ADCY8: variants seen among roughly 807,000 people sequenced by gnomAD.
ADCY8 encodes the protein adenylate cyclase type 8.
In ADCY8, 51 loss-of-function variants were observed where a neutral mutation model predicts 119.7. The observed-to-expected ratio is 0.43, with a 90% CI of 0.34 to 0.54. The LOEUF is 0.54. Ranked by LOEUF, ADCY8 falls within the 20% of genes least tolerant of loss-of-function variation. The pLI is 0.03. For synonymous variants in ADCY8, 665 were observed against 651.0 expected (o/e 1.02, Z -0.33); for missense variants, 1,383 against 1,598.8 (o/e 0.87, Z 2.30).
rs1554624274 is a variant in ADCY8 at position 131,003,206 on chromosome 8, TCACA to T, written c.961-12668_961-12665del. On this transcript the variant is annotated intron_variant, in intron 1 of 17. Coordinates refer to ENST00000286355, the MANE Select transcript of ADCY8 (RefSeq NM_001115.3). ...CCTGGGCAACAAGAGTGAAACACCA[TCACA>T]CACACACACACACACACACACACAC... is the stretch of plus-strand genomic sequence containing the variant. 9.1e-3 allele frequency among the ~76,000 whole-genome samples: 1,252 copies of T among 137,550 alleles called. 11 individuals carry two copies. The highest frequency in any genetic ancestry group is 0.035 in the East Asian group (163 of 4,690). 90.2% of individuals were successfully genotyped at this position (137,550 alleles called of 152,430 possible). A position where few individuals can be genotyped will look rare whatever the true frequency, so the allele number is the denominator to read the frequency against.
At chr8:130,822,561 TC>T (rs1816548787) in intron 12 of ADCY8, among the ~76,000 whole-genome samples, 1 of 151,294 alleles carries the variant, frequency 6.6e-6, no homozygotes, top group South Asian at 2.1e-4. Context: ...CATCCATCCA[TC>T]CATCCATCCA....
chr8:130,832,874 G>C (rs1468761826), intron 12 of ADCY8, among the ~76,000 whole-genome samples: 4 of 152,186 alleles, frequency 2.6e-5, no homozygotes. Flanking sequence ...CTAGGGCAAT[G>C]CTATGAAATG....
chr8:131,029,115 T>C (rs1028881878), intron 1 of ADCY8, among the ~76,000 whole-genome samples: 1 of 152,174 alleles, frequency 6.6e-6, no homozygotes. Context: ...AGTGGTGGCA[T>C]TAGATTCTCA....
At chr8:130,872,914 C>G (rs906958522) in intron 8 of ADCY8, among the ~76,000 whole-genome samples, 4 of 152,162 alleles carry the variant, frequency 2.6e-5, no homozygotes, top group African/African-American at 9.7e-5. Flanking sequence ...TTGTTCATGT[C>G]TGGGGATTCT....
intron 5 of ADCY8, among the ~76,000 whole-genome samples, 195 bp from the exon 6 acceptor site, chr8:130,910,061 T>C (rs1227305073): frequency 6.6e-6 from 1 of 151,634 alleles, no homozygotes; most frequent in Non-Finnish European, 1.5e-5. Context: ...GGTCTCGATC[T>C]CCTGACCTCG....
chr8:130,873,126 A>G (rs1006299919), intron 8 of ADCY8, among the ~76,000 whole-genome samples: 7 of 152,296 alleles, frequency 4.6e-5, no homozygotes, highest in South Asian at 4.1e-4. Context: ...CCAGCCTTCC[A>G]TGTTTCCATG....
At chr8:130,972,344 A>C (rs1187099811) in intron 2 of ADCY8, among the ~76,000 whole-genome samples, 2 of 152,184 alleles carry the variant, frequency 1.3e-5, no homozygotes, top group Non-Finnish European at 2.9e-5. Flanking sequence ...GTCATCTCTC[A>C]TCATGTGTGT....
At chr8:131,006,099 A>G (rs1823109862) in intron 1 of ADCY8, among the ~76,000 whole-genome samples, 1 of 151,850 alleles carries the variant, frequency 6.6e-6, no homozygotes, top group Non-Finnish European at 1.5e-5. Context: ...ATGCTTCACA[A>G]TGCACAAGAA....
intron 1 of ADCY8, among the ~76,000 whole-genome samples, chr8:131,000,389 T>C (rs868486085): frequency 2.6e-5 from 4 of 152,170 alleles, no homozygotes; most frequent in Non-Finnish European, 4.4e-5. Flanking sequence ...AAAGGTCTCA[T>C]ATATGCAGGT....
chr8:131,023,338 C>T (rs1823732036), intron 1 of ADCY8, among the ~76,000 whole-genome samples: 1 of 152,188 alleles, frequency 6.6e-6, no homozygotes, highest in African/African-American at 2.4e-5. Context: ...CCTTACTCTC[C>T]TTTTAGGAAC....
chr8:130,920,468 C>T (rs1453675587), intron 5 of ADCY8, among the ~76,000 whole-genome samples: 3 of 152,210 alleles, frequency 2.0e-5, no homozygotes, highest in African/African-American at 4.8e-5. Flanking sequence ...TGCCCACAAA[C>T]CTCTAAAGGC....
chr8:130,857,806 C>T (rs1406395189), intron 9 of ADCY8, among the ~76,000 whole-genome samples: 1 of 152,026 alleles, frequency 6.6e-6, no homozygotes, highest in African/African-American at 2.4e-5. Context: ...TATGATATTT[C>T]CCTCACTTAC....
chr8:130,933,161 T>TAAAG (rs887966346), intron 5 of ADCY8, among the ~76,000 whole-genome samples: 4 of 151,934 alleles, frequency 2.6e-5, no homozygotes, highest in Admixed American at 6.6e-5. Flanking sequence ...TGACAGCAAA[T>TAAAG]AAAGAGGGTC....
rs762562583 is a variant in ADCY8, at chr8:131,039,368, A to G, written c.960+6T>C. 4.3e-6 allele frequency: 7 copies of G among 1,611,718 alleles called. No homozygotes were observed. Among genetic ancestry groups the G allele is most frequent in the Non-Finnish European group, 5.9e-6 (7 of 1,178,188 alleles). ...GGGAAACAAATGCAAGGCAGGCAGG[A>G]GTTACCTGGTTGATGGAAATGACCG... On this transcript the variant is annotated splice_donor_region_variant and intron_variant, in intron 1 of 17. Coordinates refer to ENST00000286355, the MANE Select transcript of ADCY8 (RefSeq NM_001115.3).
intron 9 of ADCY8, among the ~76,000 whole-genome samples, chr8:130,851,556 T>C (rs539350179): frequency 6.6e-6 from 1 of 152,220 alleles, no homozygotes; most frequent in South Asian, 2.1e-4. Flanking sequence ...ATCTGCGTGT[T>C]TGAAAGACAA....
intron 8 of ADCY8, among the ~76,000 whole-genome samples, chr8:130,869,120 C>A (rs1818232780): frequency 6.6e-6 from 1 of 152,166 alleles, no homozygotes; most frequent in Non-Finnish European, 1.5e-5. Flanking sequence ...CTGGATGAAG[C>A]ACAATGCTGT....
At chr8:130,788,429 C>G (rs1815327089) in intron 15 of ADCY8, among the ~76,000 whole-genome samples, 2 of 152,058 alleles carry the variant, frequency 1.3e-5, no homozygotes, top group East Asian at 3.8e-4. Flanking sequence ...TATGTGGAAT[C>G]TACAAAAGTT....
chr8:130,927,864 C>T (rs912624144), intron 5 of ADCY8, among the ~76,000 whole-genome samples: 1 of 152,170 alleles, frequency 6.6e-6, no homozygotes, highest in Non-Finnish European at 1.5e-5. Flanking sequence ...CAAGAGTGGA[C>T]ATCCCTGTCT....
chr8:130,918,801 C>T (rs990495141), intron 5 of ADCY8, among the ~76,000 whole-genome samples: 4 of 152,290 alleles, frequency 2.6e-5, no homozygotes, highest in African/African-American at 9.6e-5. Context: ...GTGGCTCATG[C>T]CGTAATCTCA....
Sources: gnomAD v4.1 joint callset for allele counts (sites outside exome capture counted in the v4.1 genomes callset) on GRCh38, gnomAD v4.1.1 for gene constraint, MANE v1.5 for transcripts, NCBI Gene and HGNC (gene_info 2026-07-23, HGNC 2026-07-21) for gene names.